The following PLEKHA6 variants were observed in gnomAD, a reference collection of about 807,000 sequenced individuals.
PLEKHA6 encodes pleckstrin homology domain-containing family A member 6.
PLEKHA6 carries 60 observed loss-of-function variants against 116.7 expected under a neutral mutation model. That is an observed-to-expected ratio of 0.51 (90% CI 0.42 to 0.64). The LOEUF (loss-of-function observed/expected upper bound fraction) is 0.64, where lower values mean the gene tolerates loss of function less well. Among genes scored for constraint, PLEKHA6 ranks in the 30% least tolerant of loss-of-function variants. The probability of loss-of-function intolerance (pLI) is 0.00; values close to 1 mark genes in which losing one functional copy is unlikely to be tolerated. For missense variants in PLEKHA6, 1,338 were observed against 1,422.7 expected (o/e 0.94, Z 0.96); for synonymous variants, 489 against 556.1 (o/e 0.88, Z 1.70).
intron 1 of PLEKHA6, among the ~76,000 whole-genome samples, chr1:204,353,764 GA>G (rs1394607384): frequency 6.6e-6 from 1 of 152,138 alleles, no homozygotes; most frequent in Non-Finnish European, 1.5e-5. Context: ...TTAGGAGGAG[GA>G]AACCTGGGTT....
In PLEKHA6 at chr1:204,253,343, C is replaced by T. The variant is rs374228844; in HGVS notation, c.1525-2729G>A. Among the ~76,000 whole-genome samples, 22 of 151,864 alleles carry T rather than the reference C, an allele frequency of 1.4e-4. No individual in the cohort carries two copies. The South Asian group carries it at 4.4e-3, about 30-fold the overall frequency. On this transcript the variant is annotated intron_variant, in intron 9 of 22. Transcript: ENST00000272203. ...CAAGATTAAAAAAAAAACAAACTTC[C>T]TTGTAAATGGCAGAGCTAGAACTAG...
At chr1:204,289,057 T>C (rs1212870096) in intron 1 of PLEKHA6, among the ~76,000 whole-genome samples, 3 of 152,204 alleles carry the variant, frequency 2.0e-5, no homozygotes, top group Non-Finnish European at 4.4e-5. Context: ...TGCAAATCTA[T>C]GCAGATGTGT....
chr1:204,353,217 T>A (rs1266926524), intron 1 of PLEKHA6, among the ~76,000 whole-genome samples: 1 of 152,122 alleles, frequency 6.6e-6, no homozygotes, highest in African/African-American at 2.4e-5. Context: ...ACATCACAGA[T>A]ACAAATAAGA....
At chr1:204,351,966 C>G (rs1673294456) in intron 1 of PLEKHA6, among the ~76,000 whole-genome samples, 1 of 152,186 alleles carries the variant, frequency 6.6e-6, no homozygotes. Context: ...CCCAACTACT[C>G]AGGAGGCTGA....
At chr1:204,299,640 C>T (rs1256871260) in intron 1 of PLEKHA6, 9 of 985,140 alleles carry the variant, frequency 9.1e-6, no homozygotes, top group Non-Finnish European at 1.1e-5. Flanking sequence ...CTTTCCAAAG[C>T]AACGTGGGTC....
intron 1 of PLEKHA6, among the ~76,000 whole-genome samples, chr1:204,354,792 G>A (rs1294006800): frequency 6.6e-6 from 1 of 152,246 alleles, no homozygotes; most frequent in Non-Finnish European, 1.5e-5. Context: ...TTTAGAAAGT[G>A]CAAAGAGGTC....
intron 1 of PLEKHA6, among the ~76,000 whole-genome samples, chr1:204,292,971 C>T (rs1225921900): frequency 6.6e-6 from 1 of 152,134 alleles, no homozygotes; most frequent in Non-Finnish European, 1.5e-5. Context: ...CCTCCCCTCC[C>T]GCCTCTTCTC....
At chr1:204,347,165 G>T in intron 1 of PLEKHA6, 1 of 1,123,396 alleles carries the variant, frequency 8.9e-7, no homozygotes, top group Non-Finnish European at 1.3e-6. Context: ...TTATAGACTC[G>T]CATATACGTG....
chr1:204,362,055 C>A (rs373297505), upstream of PLEKHA6, among the ~76,000 whole-genome samples: 4 of 152,164 alleles, frequency 2.6e-5, no homozygotes, highest in South Asian at 4.1e-4. Flanking sequence ...GTGAATGTTT[C>A]TGGGGGATCT....
intron 1 of PLEKHA6, among the ~76,000 whole-genome samples, chr1:204,306,092 A>C (rs1377401342): frequency 6.6e-6 from 1 of 151,898 alleles, no homozygotes; most frequent in Non-Finnish European, 1.5e-5. Flanking sequence ...CATCCACCCC[A>C]TATTCTTTCT....
In PLEKHA6 at chr1:204,250,561, G is replaced by T. The variant is rs146426396; in HGVS notation, c.1578C>A (p.Asn526Lys). Residue 526 changes from asparagine to lysine, a missense_variant, in exon 10 of 23, where the codon AAC (asparagine) becomes AAA (lysine). Coordinates refer to ENST00000272203, the MANE Select transcript of PLEKHA6 (RefSeq NM_014935.5). ...CTGCTCTTACATCTGTGTCTTGCTC[G>T]TTTAACTTGTAGGTGTGGAGGCTGT... ...FRDSLHTYKL[N>K]EQDTDKLLGK... 840 of 1,612,450 alleles carry T rather than the reference G, an allele frequency of 5.2e-4. 2 individuals are homozygous for T. The African/African-American group carries it at 7.4e-3, about 14-fold the overall frequency.
intron 5 of PLEKHA6, among the ~76,000 whole-genome samples, chr1:204,266,087 A>G (rs759450478): frequency 2.0e-5 from 3 of 151,864 alleles, no homozygotes; most frequent in Admixed American, 1.3e-4. Flanking sequence ...AGGGTTATAA[A>G]CTCCTTAAGC....
intron 1 of PLEKHA6, among the ~76,000 whole-genome samples, chr1:204,318,730 T>C (rs570402690): frequency 2.6e-5 from 4 of 152,364 alleles, no homozygotes; most frequent in East Asian, 3.9e-4. Context: ...TAGCATATAA[T>C]GCATTAAGTA....
At chr1:204,311,491 C>CAAA in intron 1 of PLEKHA6, 47 of 393,486 alleles carry the variant, frequency 1.2e-4, no homozygotes, top group Non-Finnish European at 1.5e-4. Flanking sequence ...AACTCTGTGT[C>CAAA]AAAAAAAAAA....
At chr1:204,336,570 G>T (rs1372870924) in intron 1 of PLEKHA6, among the ~76,000 whole-genome samples, 1 of 152,108 alleles carries the variant, frequency 6.6e-6, no homozygotes, top group Non-Finnish European at 1.5e-5. Flanking sequence ...GAGCGTGTGT[G>T]TGTGTGTGTG....
In PLEKHA6 at chr1:204,287,765, G is replaced by A. The variant is rs112085648; in HGVS notation, c.-94-12956C>T. On this transcript the variant is annotated intron_variant, in intron 1 of 22. Transcript: ENST00000272203. ...CTGCTTCTGACCAGAGCTACCGAGCGCCTCTCTGGAGACAATGGCTCAGAG... is the reference window on the plus strand; with the variant it reads ...CTGCTTCTGACCAGAGCTACCGAGCACCTCTCTGGAGACAATGGCTCAGAG... Among the ~76,000 whole-genome samples, 521 of 152,230 alleles carry A rather than the reference G, an allele frequency of 3.4e-3. 2 individuals carry two copies. Among genetic ancestry groups the A allele is most frequent in the African/African-American group, 0.012 (505 of 41,530 alleles).
At chr1:204,310,223 C>T (rs534795134) in intron 1 of PLEKHA6, among the ~76,000 whole-genome samples, 4 of 152,066 alleles carry the variant, frequency 2.6e-5, no homozygotes, top group African/African-American at 7.2e-5. Flanking sequence ...AGAGATAGAT[C>T]GAGAGAGAGA....
Position 204,359,697 on chromosome 1 carries a change from C to A in PLEKHA6, c.-98G>T, listed in dbSNP as rs1036594423. 5 of 978,252 alleles carry A rather than the reference C, an allele frequency of 5.1e-6. No individual in the cohort carries two copies. The African/African-American group carries it at 8.8e-5, about 17-fold the overall frequency. The allele number at this position is 978,252 out of a possible 1,614,324, so 60.6% of individuals were successfully genotyped here. ...TGATGCATGAAAACAGACTCACCGG[C>A]TTCTGAGGTGTGATCCCCGCGCTGG... On this transcript the variant is annotated 5_prime_UTR_variant, in exon 1 of 23. Coordinates refer to ENST00000272203, the MANE Select transcript of PLEKHA6 (RefSeq NM_014935.5).
intron 3 of PLEKHA6, 45 bp downstream of exon 3, chr1:204,273,581 G>A (rs751212049): frequency 1.6e-6 from 2 of 1,269,950 alleles, no homozygotes; most frequent in Admixed American, 3.4e-5. Flanking sequence ...AACATGCACT[G>A]AAGACGTTTC....
Sources: gnomAD v4.1 joint callset for allele counts (sites outside exome capture counted in the v4.1 genomes callset) on GRCh38, gnomAD v4.1.1 for gene constraint, MANE v1.5 for transcripts, NCBI Gene and HGNC (gene_info 2026-07-23, HGNC 2026-07-21) for gene names.